Variants in ADAT2 observed in about 807,000 individuals in gnomAD.
The protein encoded by ADAT2 is tRNA-specific adenosine-34 deaminase catalytic subunit ADAT2.
Under a neutral mutation model 25.9 loss-of-function variants are expected in ADAT2, and 26 were observed. The ratio of observed to expected loss-of-function variants is 1.00; its 90% CI spans 0.74 to 1.39. The LOEUF is 1.39. Among genes scored for constraint, ADAT2 ranks in the 40% most tolerant of loss-of-function variants. The probability of loss-of-function intolerance (pLI) is 0.00; values close to 1 mark genes in which losing one functional copy is unlikely to be tolerated. For missense variants in ADAT2, 220 were observed against 244.8 expected (o/e 0.90, Z 0.68); for synonymous variants, 76 against 86.8 (o/e 0.88, Z 0.69).
intron 2 of ADAT2, among the ~76,000 whole-genome samples, chr6:143,435,647 A>C (rs1464083333): frequency 1.3e-5 from 2 of 152,196 alleles, no homozygotes; most frequent in Admixed American, 6.5e-5. Flanking sequence ...TCTACTCCTA[A>C]ATAAGTATCT....
At chr6:143,430,034 A>G (rs1380948401) in intron 4 of ADAT2, among the ~76,000 whole-genome samples, 1 of 152,198 alleles carries the variant, frequency 6.6e-6, no homozygotes, top group African/African-American at 2.4e-5. Context: ...CCTACTGACC[A>G]AAACACTTGC....
chr6:143,428,159 C>A lies in ADAT2; in HGVS notation c.*304G>T. The A allele has an allele frequency of 5.6e-6, 2 of 357,480 alleles. No individual in the cohort carries two copies. The highest frequency in any genetic ancestry group is 1.0e-5 in the Non-Finnish European group (2 of 196,426). 22.1% of individuals were successfully genotyped at this position (357,480 alleles called of 1,614,324 possible). ...ACATTCTCTAAGAAGTCAGCACTTGCCTGGACTGGGCACTTGTGGCTAGAA... is the reference window on the plus strand; with the variant it reads ...ACATTCTCTAAGAAGTCAGCACTTGACTGGACTGGGCACTTGTGGCTAGAA... On this transcript the variant is annotated 3_prime_UTR_variant, in exon 6 of 6. Coordinates refer to ENST00000237283, the MANE Select transcript of ADAT2 (RefSeq NM_182503.3). This position sits in a 1 kb window ranked among gnomAD's most constrained non-coding sequence, Gnocchi z 5.0.
At chr6:143,430,732 A>G (rs1332656711) in intron 4 of ADAT2, among the ~76,000 whole-genome samples, 1 of 151,786 alleles carries the variant, frequency 6.6e-6, no homozygotes, top group African/African-American at 2.4e-5. Flanking sequence ...TGCCCGGCTA[A>G]TTTTTTGTAT....
chr6:143,432,900 TTCAGAATCATTAGGGAG>T lies in ADAT2; in HGVS notation c.353-306_353-290del, dbSNP rs1485783881. Among the ~76,000 whole-genome samples the T allele has an allele frequency of 6.6e-6, 1 of 152,230 alleles. No homozygotes were observed. The highest frequency in any genetic ancestry group is 6.5e-5 in the Admixed American group (1 of 15,280). On this transcript the variant is annotated intron_variant, in intron 3 of 5. Transcript: ENST00000237283. The surrounding 1 kb of genome is among the most constrained non-coding windows in gnomAD (Gnocchi z 4.4). ...TCTCTGCTCTTTCCTAAATCACTTT[TTCAGAATCATTAGGGAG>T]TCAGAACCAGAAAGGATGCAGAAAT... is the stretch of plus-strand genomic sequence containing the variant.
rs1779009451 is a variant in ADAT2, at chr6:143,428,590, T to G, written c.532+22A>C. ...TTTGTATGGATTTAAGGGAAGGACA[T>G]TATCCACAACAGAAAACTGACCATT... is the stretch of plus-strand genomic sequence containing the variant. On this transcript the variant is annotated intron_variant, in intron 5 of 5. Transcript: ENST00000237283. This position sits in a 1 kb window ranked among gnomAD's most constrained non-coding sequence, Gnocchi z 5.0. 4.3e-6 allele frequency: 7 copies of G among 1,613,252 alleles called. No individual in the cohort carries two copies. The highest frequency in any genetic ancestry group is 1.3e-5 in the African/African-American group (1 of 74,900).
intron 1 of ADAT2, among the ~76,000 whole-genome samples, chr6:143,445,648 C>T (rs1270502720): frequency 2.6e-5 from 4 of 152,118 alleles, no homozygotes; most frequent in Non-Finnish European, 5.9e-5. Context: ...GGTCTTTGGA[C>T]ATGTTACTTA....
In ADAT2 at chr6:143,444,954, C is replaced by G; in HGVS notation, c.96+5609G>C. On this transcript the variant is annotated intron_variant, in intron 1 of 5. Transcript: ENST00000237283. This position sits in a 1 kb window ranked among gnomAD's most constrained non-coding sequence, Gnocchi z 4.3. ...TTGTTTGCACACAGTTTGATGAGTC[C>G]TTAAAGAAATATTTCCTATAAAGAC... 7.7e-7 allele frequency: 1 copy of G among 1,302,966 alleles called. No individual in the cohort carries two copies. The highest frequency in any genetic ancestry group is 5.6e-5 in the East Asian group (1 of 17,896). 80.7% of individuals were successfully genotyped at this position (1,302,966 alleles called of 1,614,324 possible).
In ADAT2 at chr6:143,437,081, G is replaced by T. The variant is rs377347359; in HGVS notation, c.201+1509C>A. On this transcript the variant is annotated intron_variant, in intron 2 of 5. Coordinates refer to ENST00000237283, the MANE Select transcript of ADAT2 (RefSeq NM_182503.3). This position sits in a 1 kb window ranked among gnomAD's most constrained non-coding sequence, Gnocchi z 4.1. ...AGCAAATTGATAAAAAAGTTTTTTT[G>T]GGGGGCTGACATATTAACTACAGAT... is the stretch of plus-strand genomic sequence containing the variant. Among the ~76,000 whole-genome samples, 1 of 151,950 alleles carries T rather than the reference G, an allele frequency of 6.6e-6. No homozygotes were observed. Among genetic ancestry groups the T allele is most frequent in the African/African-American group, 2.4e-5 (1 of 41,468 alleles).
At chr6:143,441,550 A>C (rs966959268) in intron 1 of ADAT2, 1 of 152,202 alleles carries the variant, frequency 6.6e-6, no homozygotes, top group Admixed American at 6.5e-5. Context: ...ATGGTAAGAG[A>C]AGAAGAAAGA....
Position 143,432,504 on chromosome 6 carries a change from C to A in ADAT2, c.459+1G>T, listed in dbSNP as rs200148270. 5.0e-6 allele frequency: 8 copies of A among 1,613,002 alleles called. No individual in the cohort carries two copies. In the African/African-American group the frequency reaches 8.0e-5, roughly 16 times the overall value. ...GAAAAAGCATAAGCAGTTTGTATTA[C>A]CTGAAATGGTCTCCCAGTGTTTGGT... On this transcript the variant is annotated splice_donor_variant, in intron 4 of 5. Coordinates refer to ENST00000237283, the MANE Select transcript of ADAT2 (RefSeq NM_182503.3). LOFTEE classifies it high-confidence loss of function. The surrounding 1 kb of genome is among the most constrained non-coding windows in gnomAD (Gnocchi z 4.4).
At chr6:143,433,793 A>G (rs1261707694) in intron 3 of ADAT2, 38 bp downstream of exon 3, 3 of 1,574,860 alleles carry the variant, frequency 1.9e-6, no homozygotes, top group Non-Finnish European at 2.6e-6. Flanking sequence ...TGTTCACACG[A>G]ATGGTACGAT....
At chr6:143,445,021 G>A in intron 1 of ADAT2, 1 of 1,182,244 alleles carries the variant, frequency 8.5e-7, no homozygotes, top group South Asian at 1.3e-5. Flanking sequence ...GAACTCTCAG[G>A]TAGAACATCA....
intron 1 of ADAT2, among the ~76,000 whole-genome samples, chr6:143,439,862 A>G (rs1183519161): frequency 1.3e-5 from 2 of 152,218 alleles, no homozygotes; most frequent in African/African-American, 2.4e-5. Context: ...AAAAAAATCA[A>G]TGAGAAAAAC....
rs1778975908 is a variant in ADAT2, at chr6:143,427,577, T to C, written c.*886A>G. On this transcript the variant is annotated 3_prime_UTR_variant, in exon 6 of 6. Transcript: ENST00000237283. ...AAAGAAATAACCATTTGTTTCAGAT[T>C]AAATTGATCATTCTATTTTTCAGTC... 3 of 152,360 alleles carry C rather than the reference T, an allele frequency of 2.0e-5. No homozygotes were observed. The highest frequency in any genetic ancestry group is 4.1e-4 in the South Asian group (2 of 4,830). The allele number at this position is 152,360 out of a possible 1,614,324, so 9.4% of individuals were successfully genotyped here.
intron 1 of ADAT2, among the ~76,000 whole-genome samples, chr6:143,448,597 T>C (rs940057354): frequency 6.6e-6 from 1 of 152,194 alleles, no homozygotes; most frequent in East Asian, 1.9e-4. Context: ...AAAATTGCTT[T>C]CACTTTTGCC....
In ADAT2 at chr6:143,438,615, C is replaced by T; in HGVS notation, c.176G>A (p.Arg59Lys). Reference sequence around the variant, plus strand: ...ATTTTTGGTTTGGTTAACTTCATTTCTCCCCTTCCCTACAACTTCATTGTT... The same window carrying T: ...ATTTTTGGTTTGGTTAACTTCATTTTTCCCCTTCCCTACAACTTCATTGTT... ...VYNNEVVGKG[R>K]NEVNQTKNAT... Residue 59 changes from arginine to lysine, a missense_variant, in exon 2 of 6, where the codon AGA (arginine) becomes AAA (lysine). By Grantham distance (26) the Arg-to-Lys change is conservative. Transcript: ENST00000237283. The T allele has an allele frequency of 1.9e-6, 3 of 1,613,374 alleles. No individual in the cohort carries two copies. The highest frequency in any genetic ancestry group is 2.5e-6 in the Non-Finnish European group (3 of 1,179,432).
rs1779320699 is a variant in ADAT2 at position 143,437,397 on chromosome 6, T to C, written c.201+1193A>G. Among the ~76,000 whole-genome samples the C allele has an allele frequency of 6.6e-6, 1 of 152,216 alleles. No individual in the cohort carries two copies. Among genetic ancestry groups the C allele is most frequent in the Non-Finnish European group, 1.5e-5 (1 of 68,034 alleles). ...GATCATCTTCATGTAGCCTTATTGGTTGTTATTTCATTTTCCTCTGTTCCT... is the reference window on the plus strand; with the variant it reads ...GATCATCTTCATGTAGCCTTATTGGCTGTTATTTCATTTTCCTCTGTTCCT... On this transcript the variant is annotated intron_variant, in intron 2 of 5. Transcript: ENST00000237283. The surrounding 1 kb of genome is among the most constrained non-coding windows in gnomAD (Gnocchi z 4.1).
rs1473763593 is a variant in ADAT2 at position 143,426,790 on chromosome 6, G to A, written c.*1673C>T. Reference sequence around the variant, plus strand: ...AGCAAATGTTTACCAAGAACCTACTGGACATAAGATGCTCAGCCAGACTTA... The same window carrying A: ...AGCAAATGTTTACCAAGAACCTACTAGACATAAGATGCTCAGCCAGACTTA... On this transcript the variant is annotated 3_prime_UTR_variant, in exon 6 of 6. Transcript: ENST00000237283. The surrounding 1 kb of genome is among the most constrained non-coding windows in gnomAD (Gnocchi z 4.1). 6.6e-6 allele frequency: 1 copy of A among 152,004 alleles called. No homozygotes were observed. The highest frequency in any genetic ancestry group is 6.5e-5 in the Admixed American group (1 of 15,274). 9.4% of individuals were successfully genotyped at this position (152,004 alleles called of 1,614,324 possible).
Position 143,436,709 on chromosome 6 carries a change from A to G in ADAT2, c.201+1881T>C. On this transcript the variant is annotated intron_variant, in intron 2 of 5. Transcript: ENST00000237283. This position sits in a 1 kb window ranked among gnomAD's most constrained non-coding sequence, Gnocchi z 4.1. ...GAGTGGACTGAGGAAATGGGGGCGT[A>G]GAGCCTTCTGTTACTGGGTTAAGGG... The G allele has an allele frequency of 4.4e-6, 1 of 228,668 alleles. No individual in the cohort carries two copies. 14.2% of individuals were successfully genotyped at this position (228,668 alleles called of 1,614,324 possible). A position where few individuals can be genotyped will look rare whatever the true frequency, so the allele number is the denominator to read the frequency against.
Sources: allele counts gnomAD v4.1 joint callset (sites outside exome capture counted in the v4.1 genomes callset), GRCh38; gene constraint gnomAD v4.1.1; non-coding constraint Gnocchi (gnomAD v3.1); transcripts MANE v1.5; gene names NCBI Gene and HGNC (gene_info 2026-07-23, HGNC 2026-07-21).